TBXAS1: variants seen among roughly 807,000 people sequenced by gnomAD.
TBXAS1 encodes the protein thromboxane-A synthase.
A neutral mutation model predicts 60.7 loss-of-function variants in TBXAS1; 48 were observed. The observed-to-expected ratio is 0.79, with a 90% CI of 0.63 to 1.01. The LOEUF (loss-of-function observed/expected upper bound fraction) is 1.01. Ranked by LOEUF, TBXAS1 falls within the 50% of genes least tolerant of loss-of-function variation. TBXAS1 has a pLI of 0.00. For synonymous variants in TBXAS1, 287 were observed against 269.7 expected, an observed-to-expected ratio of 1.06 and a Z score of -0.63; for missense variants, 685 against 686.3, an observed-to-expected ratio of 1.00 and a Z score of 0.02.
At position 139,955,762 on chromosome 7, in the gene TBXAS1, G is replaced by C. The variant is rs548609228; in HGVS notation, c.688+155G>C. ...AGGCTTTGTCTTATGGAGCCACCGG[G>C]TTCCTCTTGTCACCCGCCTAGGGCC... On this transcript the variant is annotated intron_variant, in intron 7 of 12. Transcript: ENST00000448866. Among the ~76,000 whole-genome samples, 3 of 152,178 alleles carry C rather than the reference G, an allele frequency of 2.0e-5. No individual in the cohort carries two copies. The East Asian group carries it at 5.8e-4, about 29-fold the overall frequency.
intron 1 of TBXAS1, among the ~76,000 whole-genome samples, chr7:139,833,975 C>G (rs1798895370): frequency 6.6e-6 from 1 of 152,120 alleles, no homozygotes; most frequent in African/African-American, 2.4e-5. Context: ...CAGATATATA[C>G]AGAACATTTC....
At chr7:139,897,336 G>A (rs1022814962) in intron 3 of TBXAS1, among the ~76,000 whole-genome samples, 1 of 151,560 alleles carries the variant, frequency 6.6e-6, no homozygotes, top group South Asian at 2.1e-4. Flanking sequence ...TGGCGGTGGG[G>A]TGGGGAGGGG....
At chr7:139,816,855 A>G (rs1798161258) in intron 4 of TBXAS1, among the ~76,000 whole-genome samples, 1 of 152,100 alleles carries the variant, frequency 6.6e-6, no homozygotes, top group Admixed American at 6.5e-5. Flanking sequence ...CAGGCTTGGA[A>G]CCCTGGAGGC....
chr7:139,985,382 G>A (rs1247763053), intron 9 of TBXAS1, among the ~76,000 whole-genome samples: 1 of 152,196 alleles, frequency 6.6e-6, no homozygotes, highest in Non-Finnish European at 1.5e-5. Context: ...CCTGGTGTGG[G>A]CTGATGGTGT....
At chr7:139,807,859 G>A (rs1438226882) in intron 4 of TBXAS1, among the ~76,000 whole-genome samples, 3 of 152,150 alleles carry the variant, frequency 2.0e-5, no homozygotes, top group Non-Finnish European at 4.4e-5. Context: ...CTGGTAAATG[G>A]CCTTCTGGGG....
At chr7:140,001,937 A>C (rs1229756969) in intron 9 of TBXAS1, among the ~76,000 whole-genome samples, 2 of 152,138 alleles carry the variant, frequency 1.3e-5, no homozygotes, top group South Asian at 2.1e-4. Flanking sequence ...CCCTGATCCC[A>C]AATGTGGGAG....
At chr7:139,822,889 T>C (rs1798336160) in intron 4 of TBXAS1, among the ~76,000 whole-genome samples, 1 of 152,162 alleles carries the variant, frequency 6.6e-6, no homozygotes, top group African/African-American at 2.4e-5. Flanking sequence ...ATCTGCCTCC[T>C]GAGTGATATT....
intron 5 of TBXAS1, among the ~76,000 whole-genome samples, chr7:139,945,703 C>G (rs1808648045): frequency 6.6e-6 from 1 of 152,190 alleles, no homozygotes; most frequent in Non-Finnish European, 1.5e-5. Flanking sequence ...TACCCCAAAA[C>G]TTAGTGGCTT....
chr7:139,849,148 A>G (rs977013648), intron 1 of TBXAS1, among the ~76,000 whole-genome samples: 1 of 152,082 alleles, frequency 6.6e-6, no homozygotes, highest in Admixed American at 6.5e-5. Flanking sequence ...AGGCTGAGGT[A>G]GGAGGATCAC....
chr7:139,869,856 ACAGT>A (rs898245813), intron 1 of TBXAS1, among the ~76,000 whole-genome samples: 8 of 152,206 alleles, frequency 5.3e-5, no homozygotes, highest in African/African-American at 1.9e-4. Flanking sequence ...ACGTGTTGAG[ACAGT>A]CAGAGGGCAG....
At chr7:139,844,134 C>A (rs187738866) in intron 1 of TBXAS1, among the ~76,000 whole-genome samples, 1 of 152,086 alleles carries the variant, frequency 6.6e-6, no homozygotes, top group South Asian at 2.1e-4. Context: ...AATGCAGGAC[C>A]CAGCCACTTA....
intron 1 of TBXAS1, among the ~76,000 whole-genome samples, chr7:139,833,118 A>G (rs1049327757): frequency 4.6e-5 from 7 of 152,344 alleles, no homozygotes; most frequent in East Asian, 1.9e-4. Context: ...AAAGAGCCCA[A>G]TGAATGCAAT....
At chr7:139,854,994 TG>T (rs1800484881) in intron 1 of TBXAS1, among the ~76,000 whole-genome samples, 1 of 152,160 alleles carries the variant, frequency 6.6e-6, no homozygotes, top group Admixed American at 6.5e-5. Context: ...GTGTTACTAT[TG>T]TTTGAATGTT....
rs2010742 is a variant in TBXAS1, at chr7:139,999,353, C to T, written c.1135-7738C>T. Among the ~76,000 whole-genome samples the T allele has an allele frequency of 0.26, 39,119 of 152,084 alleles. 5,154 individuals are homozygous for T. The highest frequency in any genetic ancestry group is 0.37 in the East Asian group (1,938 of 5,170). On this transcript the variant is annotated intron_variant, in intron 9 of 12. Coordinates refer to ENST00000448866, the MANE Select transcript of TBXAS1 (RefSeq NM_001061.7). The surrounding 1 kb of genome is among the most constrained non-coding windows in gnomAD (Gnocchi z 4.3). Reference sequence around the variant, plus strand: ...CAGCCTGGCCAACATGGTAAAACCCCGTCTCTATAAAAATACAATAACTAC... The same window carrying T: ...CAGCCTGGCCAACATGGTAAAACCCTGTCTCTATAAAAATACAATAACTAC...
chr7:139,801,003 C>G (rs963017055), intron 4 of TBXAS1, among the ~76,000 whole-genome samples: 1 of 152,158 alleles, frequency 6.6e-6, no homozygotes, highest in African/African-American at 2.4e-5. Context: ...TTTTATTACT[C>G]CAGAATAATT....
At chr7:139,804,260 A>G (rs958839781) in intron 4 of TBXAS1, among the ~76,000 whole-genome samples, 12 of 152,234 alleles carry the variant, frequency 7.9e-5, no homozygotes, top group Middle Eastern at 3.2e-3. Context: ...TGATTGCCCT[A>G]TTGGATTTCA....
intron 3 of TBXAS1, among the ~76,000 whole-genome samples, chr7:139,898,267 AC>A (rs1431098837): frequency 6.6e-6 from 1 of 152,136 alleles, no homozygotes; most frequent in Non-Finnish European, 1.5e-5. Context: ...GACAGCAGCT[AC>A]CCTGTTAGCA....
chr7:139,923,563 A>C (rs1353295486), intron 4 of TBXAS1, among the ~76,000 whole-genome samples: 1 of 152,002 alleles, frequency 6.6e-6, no homozygotes, highest in African/African-American at 2.4e-5. Context: ...TATAATAATC[A>C]CATCAGGGTA....
At chr7:139,883,802 C>T (rs894176367) in intron 3 of TBXAS1, among the ~76,000 whole-genome samples, 7 of 152,188 alleles carry the variant, frequency 4.6e-5, no homozygotes, top group South Asian at 2.1e-4. Flanking sequence ...CACACACATA[C>T]ATTTGAAATA....
Sources: allele counts gnomAD v4.1 joint callset (sites outside exome capture counted in the v4.1 genomes callset), GRCh38; gene constraint gnomAD v4.1.1; non-coding constraint Gnocchi (gnomAD v3.1); transcripts MANE v1.5; gene names NCBI Gene and HGNC (gene_info 2026-07-23, HGNC 2026-07-21).